SNX29: variants seen among roughly 807,000 people sequenced by gnomAD.
The protein encoded by SNX29 is sorting nexin 29.
SNX29 carries 78 observed loss-of-function variants against 102.1 expected under a neutral mutation model. The observed-to-expected ratio is 0.76, with a 90% CI of 0.64 to 0.92. The LOEUF (loss-of-function observed/expected upper bound fraction) is 0.92. Among genes scored for constraint, SNX29 ranks in the 40% least tolerant of loss-of-function variants. The pLI is 0.00. For missense variants in SNX29, 1,280 were observed against 1,061.7 expected (o/e 1.21, Z -2.86); for synonymous variants, 580 against 414.5 (o/e 1.40, Z -4.85).
intron 20 of SNX29, among the ~76,000 whole-genome samples, chr16:12,548,406 C>A (rs560414887): frequency 1.3e-5 from 2 of 152,038 alleles, no homozygotes; most frequent in African/African-American, 4.8e-5. Flanking sequence ...CCTTTGTAAC[C>A]TACCTCTGGC....
intron 11 of SNX29, chr16:12,093,629 C>CG (rs1567201038): frequency 6.6e-6 from 1 of 152,112 alleles, no homozygotes; most frequent in African/African-American, 2.4e-5. Flanking sequence ...TATGTGACCC[C>CG]GGGCAAATGC....
intron 7 of SNX29, among the ~76,000 whole-genome samples, chr16:12,051,117 C>G (rs997441145): frequency 1.3e-5 from 2 of 152,104 alleles, no homozygotes; most frequent in African/African-American, 4.8e-5. Flanking sequence ...TGCTTGAGGC[C>G]AGGAGTTTTG....
intron 13 of SNX29, among the ~76,000 whole-genome samples, chr16:12,179,334 A>G (rs1421638388): frequency 6.6e-6 from 1 of 152,202 alleles, no homozygotes; most frequent in Non-Finnish European, 1.5e-5. Flanking sequence ...AAATAGAAAA[A>G]GTTAGCCAGG....
At chr16:12,182,933 CAAAAAAAAAAAAA>C (rs575698544) in intron 13 of SNX29, among the ~76,000 whole-genome samples, 1 of 46,438 alleles carries the variant, frequency 2.2e-5, no homozygotes, top group Admixed American at 2.2e-4. Flanking sequence ...GACTCTGTCT[CAAAAAAAAAAAAA>C]AAAAAAAAAA....
intron 18 of SNX29, among the ~76,000 whole-genome samples, chr16:12,412,052 CA>C (rs1476324707): frequency 6.6e-6 from 1 of 152,178 alleles, no homozygotes; most frequent in Non-Finnish European, 1.5e-5. Context: ...AGGTACCTGG[CA>C]CCTGGTGGGG....
Position 12,241,728 on chromosome 16 carries a change from C to T in SNX29, c.1679-36205C>T, listed in dbSNP as rs188744540. ...CCGCCTGCCTTGGCCTCCCAAAGTG[C>T]TGGGATTACAGGCATGAGCCACCAG... is the stretch of plus-strand genomic sequence containing the variant. On this transcript the variant is annotated intron_variant, in intron 14 of 20. Coordinates refer to ENST00000566228, the MANE Select transcript of SNX29 (RefSeq NM_032167.5). Among the ~76,000 whole-genome samples, 4 of 152,334 alleles carry T rather than the reference C, an allele frequency of 2.6e-5. No individual in the cohort carries two copies. The East Asian group carries it at 7.7e-4, about 29-fold the overall frequency.
At chr16:12,458,421 T>C (rs8060027) in intron 18 of SNX29, among the ~76,000 whole-genome samples, 11,415 of 152,264 alleles carry the variant, frequency 0.075, 1,416 homozygotes, top group African/African-American at 0.26. Context: ...GCGAGCCCTA[T>C]GCAGACACTG....
At chr16:12,291,601 C>T (rs989099190) in intron 15 of SNX29, among the ~76,000 whole-genome samples, 6 of 152,184 alleles carry the variant, frequency 3.9e-5, no homozygotes, top group Non-Finnish European at 7.4e-5. Flanking sequence ...CTTCCAGGTT[C>T]ACATTCATAG....
chr16:12,432,224 C>G (rs572211375), intron 18 of SNX29, among the ~76,000 whole-genome samples: 1 of 152,312 alleles, frequency 6.6e-6, no homozygotes, highest in East Asian at 1.9e-4. Flanking sequence ...CTGAACAGAT[C>G]GGTCCTCCGC....
At chr16:12,245,340 A>G (rs2078229502) in intron 14 of SNX29, among the ~76,000 whole-genome samples, 1 of 152,040 alleles carries the variant, frequency 6.6e-6, no homozygotes, top group African/African-American at 2.4e-5. Context: ...TACATGATCC[A>G]TATATTTAAC....
chr16:12,444,224 G>C (rs561263274), intron 18 of SNX29, among the ~76,000 whole-genome samples: 2 of 151,148 alleles, frequency 1.3e-5, no homozygotes, highest in Non-Finnish European at 2.9e-5. Context: ...ATAGCCCCTA[G>C]CATGTGGTAA....
At chr16:12,076,187 G>A (rs350242) in intron 10 of SNX29, among the ~76,000 whole-genome samples, 2 of 151,888 alleles carry the variant, frequency 1.3e-5, no homozygotes, top group Non-Finnish European at 2.9e-5. Flanking sequence ...CTGGCACTCC[G>A]TAGTGAGATG....
chr16:12,162,851 G>A (rs1169954728), intron 13 of SNX29, among the ~76,000 whole-genome samples: 1 of 152,172 alleles, frequency 6.6e-6, no homozygotes, highest in African/African-American at 2.4e-5. Flanking sequence ...GGGCCGGCAA[G>A]CACGTGTTTA....
chr16:12,027,607 G>T (rs916857965), intron 4 of SNX29, 163 bp downstream of exon 4: 1 of 742,628 alleles, frequency 1.3e-6, no homozygotes, highest in African/African-American at 1.8e-5. Flanking sequence ...AAACGTAATG[G>T]TGTTGTCTGG....
intron 10 of SNX29, among the ~76,000 whole-genome samples, chr16:12,074,783 C>T (rs529132629): frequency 2.6e-4 from 39 of 152,286 alleles, no homozygotes; most frequent in African/African-American, 8.4e-4. Flanking sequence ...TCCATTCTCC[C>T]CGTCACTTTC....
chr16:12,155,924 A>G (rs537401414), intron 13 of SNX29, among the ~76,000 whole-genome samples: 1 of 152,284 alleles, frequency 6.6e-6, no homozygotes, highest in Non-Finnish European at 1.5e-5. Context: ...ACTTCCTTCG[A>G]AGTAAAGCCA....
intron 18 of SNX29, among the ~76,000 whole-genome samples, chr16:12,447,697 G>A (rs755338527): frequency 2.6e-5 from 4 of 152,342 alleles, no homozygotes; most frequent in Middle Eastern, 3.4e-3. Flanking sequence ...TTGAGATGCA[G>A]GTTAACAGAT....
intron 19 of SNX29, among the ~76,000 whole-genome samples, chr16:12,510,035 G>A (rs1479747792): frequency 6.6e-6 from 1 of 152,250 alleles, no homozygotes; most frequent in African/African-American, 2.4e-5. Context: ...GGTTCGCCCA[G>A]TGCCATGTTG....
intron 8 of SNX29, among the ~76,000 whole-genome samples, chr16:12,056,568 G>C (rs1431763340): frequency 6.6e-6 from 1 of 152,164 alleles, no homozygotes. Context: ...ACCAGGAGAA[G>C]CTCACTGTGG....
Sources: gnomAD v4.1 joint callset for allele counts (sites outside exome capture counted in the v4.1 genomes callset) on GRCh38, gnomAD v4.1.1 for gene constraint, MANE v1.5 for transcripts, NCBI Gene and HGNC (gene_info 2026-07-23, HGNC 2026-07-21) for gene names.